Variants in PCSK2 observed in about 807,000 individuals in gnomAD.
The protein encoded by PCSK2 is proprotein convertase subtilisin/kexin type 2.
A neutral mutation model predicts 69.7 loss-of-function variants in PCSK2; 14 were observed. The ratio of observed to expected loss-of-function variants is 0.20; its 90% CI spans 0.13 to 0.31. The LOEUF is 0.31. Ranked by LOEUF, PCSK2 falls within the 10% of genes least tolerant of loss-of-function variation. The pLI is 1.00. For missense variants in PCSK2, 544 were observed against 842.5 expected (o/e 0.65, Z 4.39); for synonymous variants, 307 against 320.7 (o/e 0.96, Z 0.46).
chr20:17,432,701 T>C lies in PCSK2; in HGVS notation c.709+3178T>C, dbSNP rs16999187. Among the ~76,000 whole-genome samples the C allele has an allele frequency of 8.7e-3, 1,320 of 152,292 alleles. 17 individuals carry two copies. The highest frequency in any genetic ancestry group is 0.041 in the South Asian group (196 of 4,820). On this transcript the variant is annotated intron_variant, in intron 7 of 11. Transcript: ENST00000262545. ...CCACAAACAATGACCTTCCAAATGA[T>C]GGTTTTTGCAAATTTGTCAAATGTA...
At chr20:17,232,244 C>A (rs1600394242) in intron 1 of PCSK2, among the ~76,000 whole-genome samples, 1 of 152,190 alleles carries the variant, frequency 6.6e-6, no homozygotes, top group Non-Finnish European at 1.5e-5. Flanking sequence ...CGGCTACAGA[C>A]AAACAGCCAC....
At chr20:17,336,371 G>T (rs555978518) in intron 2 of PCSK2, among the ~76,000 whole-genome samples, 192 of 152,290 alleles carry the variant, frequency 1.3e-3, no homozygotes, top group African/African-American at 4.3e-3. Flanking sequence ...TGATTTCTTA[G>T]AGGAATTAAC....
chr20:17,251,463 T>C (rs1294914237), intron 1 of PCSK2, among the ~76,000 whole-genome samples: 1 of 152,240 alleles, frequency 6.6e-6, no homozygotes, highest in African/African-American at 2.4e-5. Flanking sequence ...CCTGGTTAAG[T>C]TGGCTATGCC....
rs539426370 is a variant in PCSK2, at chr20:17,473,180, G to A, written c.1430+7627G>A. Among the ~76,000 whole-genome samples, 196 of 127,324 alleles carry A rather than the reference G, an allele frequency of 1.5e-3. 3 individuals are homozygous for A. Among genetic ancestry groups the A allele is most frequent in the Non-Finnish European group, 1.7e-4 (11 of 63,766 alleles). The allele number at this position is 127,324 out of a possible 152,430, so 83.5% of individuals were successfully genotyped here. A position where few individuals can be genotyped will look rare whatever the true frequency, so the allele number is the denominator to read the frequency against. On this transcript the variant is annotated intron_variant, in intron 11 of 11. Transcript: ENST00000262545. ...GTGATCTCAGCTCACTGCAACCTCC[G>A]CCTCCCGCGTTCAAGCGATTCTCCT...
At chr20:17,457,589 AG>A (rs1397999718) in intron 10 of PCSK2, among the ~76,000 whole-genome samples, 1 of 152,214 alleles carries the variant, frequency 6.6e-6, no homozygotes, top group East Asian at 1.9e-4. Context: ...CACTGGTCAA[AG>A]CTCAACTATT....
Position 17,239,841 on chromosome 20 carries a change from C to CTTTTTTTTTT in PCSK2, c.177+12379_177+12388dup, listed in dbSNP as rs869179656. Among the ~76,000 whole-genome samples the CTTTTTTTTTT allele has an allele frequency of 1.6e-4, 11 of 68,662 alleles. 1 individual carries two copies. Among genetic ancestry groups the CTTTTTTTTTT allele is most frequent in the African/African-American group, 4.0e-4 (6 of 14,928 alleles). 45.0% of individuals were successfully genotyped at this position (68,662 alleles called of 152,430 possible). A position where few individuals can be genotyped will look rare whatever the true frequency, so the allele number is the denominator to read the frequency against. On this transcript the variant is annotated intron_variant, in intron 1 of 11. Coordinates refer to ENST00000262545, the MANE Select transcript of PCSK2 (RefSeq NM_002594.5). ...AAAATCAAACCCCAAGGTGAAAACA[C>CTTTTTTTTTT]TTTTTTTTTTTTTTTTTTTTTTTTT...
At chr20:17,342,781 A>G (rs1024595960) in intron 2 of PCSK2, among the ~76,000 whole-genome samples, 2 of 151,622 alleles carry the variant, frequency 1.3e-5, no homozygotes, top group African/African-American at 2.4e-5. Context: ...ATAGGTGCGC[A>G]CCACCACACC....
At chr20:17,344,640 C>T (rs74617920) in intron 2 of PCSK2, among the ~76,000 whole-genome samples, 4 of 151,820 alleles carry the variant, frequency 2.6e-5, no homozygotes, top group Admixed American at 2.0e-4. Context: ...TAGCAGACAG[C>T]TTGTTTGTTC....
At chr20:17,278,208 T>C (rs1988166089) in intron 2 of PCSK2, among the ~76,000 whole-genome samples, 1 of 152,174 alleles carries the variant, frequency 6.6e-6, no homozygotes, top group Non-Finnish European at 1.5e-5. Flanking sequence ...GACCCAGCCA[T>C]CCCATTACTG....
intron 8 of PCSK2, among the ~76,000 whole-genome samples, chr20:17,437,751 G>T (rs544480026): frequency 1.3e-5 from 2 of 152,200 alleles, no homozygotes; most frequent in African/African-American, 4.8e-5. Flanking sequence ...CCTTTACTAC[G>T]CTTGGGATGC....
intron 2 of PCSK2, among the ~76,000 whole-genome samples, chr20:17,351,062 G>A (rs189376814): frequency 1.3e-4 from 19 of 144,428 alleles, no homozygotes; most frequent in Admixed American, 1.2e-3. Flanking sequence ...AAAAATTAAT[G>A]TAGTAAAAGT....
chr20:17,274,332 T>G (rs1987975875), intron 2 of PCSK2, among the ~76,000 whole-genome samples: 1 of 152,162 alleles, frequency 6.6e-6, no homozygotes, highest in African/African-American at 2.4e-5. Flanking sequence ...TCTCTTCATG[T>G]GTGACCTTCT....
chr20:17,374,173 A>T (rs2030855867), intron 5 of PCSK2, among the ~76,000 whole-genome samples: 1 of 152,184 alleles, frequency 6.6e-6, no homozygotes, highest in African/African-American at 2.4e-5. Flanking sequence ...AGGAAGAGAG[A>T]TAAATAAGAC....
rs559797928 is a variant in PCSK2 at position 17,484,446 on chromosome 20, T to C, written c.*2376T>C. 71 of 152,680 alleles carry C rather than the reference T, an allele frequency of 4.7e-4. No individual in the cohort carries two copies. Among genetic ancestry groups the C allele is most frequent in the Non-Finnish European group, 8.5e-4 (58 of 67,994 alleles). The allele number at this position is 152,680 out of a possible 1,614,324, so 9.5% of individuals were successfully genotyped here. A position where few individuals can be genotyped will look rare whatever the true frequency, so the allele number is the denominator to read the frequency against. On this transcript the variant is annotated 3_prime_UTR_variant, in exon 12 of 12. Transcript: ENST00000262545. ...AGAGACAGTTATTTATAGTCATTTATTTTAAAAAATGAAAATAAGTGAATA... is the reference window on the plus strand; with the variant it reads ...AGAGACAGTTATTTATAGTCATTTACTTTAAAAAATGAAAATAAGTGAATA...
intron 5 of PCSK2, among the ~76,000 whole-genome samples, chr20:17,381,610 G>T (rs1054275650): frequency 2.0e-5 from 3 of 152,050 alleles, no homozygotes; most frequent in Admixed American, 2.0e-4. Context: ...GATTCTCATT[G>T]TCTCCAGAAT....
At chr20:17,303,466 ATATAT>A (rs1486714527) in intron 2 of PCSK2, among the ~76,000 whole-genome samples, 1 of 60,326 alleles carries the variant, frequency 1.7e-5, no homozygotes, top group East Asian at 2.7e-4. Flanking sequence ...TAAATATAAT[ATATAT>A]TATATATAAT....
intron 2 of PCSK2, among the ~76,000 whole-genome samples, chr20:17,321,114 T>C (rs568862552): frequency 3.3e-5 from 5 of 152,340 alleles, no homozygotes; most frequent in African/African-American, 1.2e-4. Flanking sequence ...GTTTTCAACA[T>C]TATTCACCCA....
At chr20:17,434,451 G>C (rs574039433) in intron 7 of PCSK2, among the ~76,000 whole-genome samples, 7 of 152,298 alleles carry the variant, frequency 4.6e-5, no homozygotes, top group African/African-American at 1.4e-4. Context: ...AGCTTAACAA[G>C]ATTAAAAGAA....
chr20:17,383,448 A>G (rs926844399), intron 5 of PCSK2, among the ~76,000 whole-genome samples: 11 of 152,202 alleles, frequency 7.2e-5, no homozygotes, highest in Non-Finnish European at 1.6e-4. Flanking sequence ...TCTCTATCCA[A>G]GACTGCCTTG....
Sources: gnomAD v4.1 joint callset for allele counts (sites outside exome capture counted in the v4.1 genomes callset) on GRCh38, gnomAD v4.1.1 for gene constraint, MANE v1.5 for transcripts, NCBI Gene and HGNC (gene_info 2026-07-23, HGNC 2026-07-21) for gene names.